Variants in GBP3 observed in about 807,000 individuals in gnomAD.
GBP3 encodes guanylate binding protein 3.
GBP3 carries 55 observed loss-of-function variants against 62.4 expected under a neutral mutation model. The ratio of observed to expected loss-of-function variants is 0.88; its 90% CI spans 0.71 to 1.10. The LOEUF is 1.10. GBP3 is among the 50% of genes least tolerant of loss of function. The pLI is 0.00. For missense variants in GBP3, 605 were observed against 690.6 expected (o/e 0.88, Z 1.39); for synonymous variants, 208 against 259.2 (o/e 0.80, Z 1.90).
rs140270532 is a variant in GBP3 at position 89,011,936 on chromosome 1, T to C, written c.960A>G (p.Ile320Met). 51 of 1,462,506 alleles carry C rather than the reference T, an allele frequency of 3.5e-5. 5 individuals are homozygous for C. The African/African-American group carries it at 3.9e-4, about 11-fold the overall frequency. 90.6% of individuals were successfully genotyped at this position (1,462,506 alleles called of 1,614,324 possible). A position where few individuals can be genotyped will look rare whatever the true frequency, so the allele number is the denominator to read the frequency against. ...CCTTTTGCACTGCGGCTGAGTTCTCTATCTGGGCCAAGGCCAGGACTGCGT... is the reference window on the plus strand; with the variant it reads ...CCTTTTGCACTGCGGCTGAGTTCTCCATCTGGGCCAAGGCCAGGACTGCGT... ...MENAVLALAQ[I>M]ENSAAVQKAI... The change falls in exon 7 of 11, where the codon ATA becomes ATG. Residue 320 changes from isoleucine (I) to methionine (M), a missense_variant. Coordinates refer to ENST00000370481, the MANE Select transcript of GBP3 (RefSeq NM_018284.3).
At position 89,016,367 on chromosome 1, in the gene GBP3, A is replaced by G. The variant is rs537539741; in HGVS notation, c.191-953T>C. On this transcript the variant is annotated intron_variant, in intron 2 of 10. Transcript: ENST00000370481. ...AAAACTACACACACACACACACACA[A>G]AATTAGCTGGGTGTGGTGGCGGGCA... Among the ~76,000 whole-genome samples the G allele has an allele frequency of 4.6e-5, 7 of 151,890 alleles. No individual in the cohort carries two copies. The East Asian group carries it at 1.4e-3, about 29-fold the overall frequency.
chr1:89,008,910 A>G, intron 10 of GBP3, 37 bp downstream of exon 10: 1 of 1,613,742 alleles, frequency 6.2e-7, no homozygotes, highest in Non-Finnish European at 8.5e-7. Flanking sequence ...CAGAGAGAAA[A>G]CAGAAAAACG....
At chr1:89,010,780 G>A in intron 8 of GBP3, 124 bp downstream of exon 8, 1 of 1,250,166 alleles carries the variant, frequency 8.0e-7, no homozygotes, top group Non-Finnish European at 1.2e-6. Flanking sequence ...ATATGTTATT[G>A]AATGAAAGCA....
chr1:89,008,701 A>G (rs1204416326), intron 10 of GBP3: 6 of 615,360 alleles, frequency 9.8e-6, no homozygotes, highest in South Asian at 2.1e-5. Flanking sequence ...GATGCCTAGC[A>G]TATGACAGCC....
intron 1 of GBP3, 39 bp from the exon 2 acceptor site, chr1:89,020,782 CT>C (rs1679146232): frequency 1.9e-6 from 3 of 1,561,560 alleles, no homozygotes; most frequent in Non-Finnish European, 2.6e-6. Context: ...AATTTCCAGT[CT>C]TTTGCATTTA....
intron 8 of GBP3, 152 bp downstream of exon 8, chr1:89,010,752 A>G: frequency 9.3e-7 from 1 of 1,071,218 alleles, no homozygotes; most frequent in South Asian, 1.4e-5. Context: ...TACCTGATAT[A>G]ACAGTCTCCC....
In GBP3 at chr1:89,007,870, G is replaced by A. The variant is rs767503768; in HGVS notation, c.1660-18C>T. ...GCCTGTTCCTAAAAAGGGACAAATGGAGGCTAAATAAGTGTAGCATTAAGT... is the reference window on the plus strand; with the variant it reads ...GCCTGTTCCTAAAAAGGGACAAATGAAGGCTAAATAAGTGTAGCATTAAGT... On this transcript the variant is annotated intron_variant, in intron 10 of 10. Coordinates refer to ENST00000370481, the MANE Select transcript of GBP3 (RefSeq NM_018284.3). 1.1e-5 allele frequency: 18 copies of A among 1,608,064 alleles called. 1 individual carries two copies. In the South Asian group the frequency reaches 2.0e-4, roughly 18 times the overall value.
intron 2 of GBP3, among the ~76,000 whole-genome samples, chr1:89,018,984 G>A (rs1466987963): frequency 6.6e-6 from 1 of 152,202 alleles, no homozygotes; most frequent in Non-Finnish European, 1.5e-5. Context: ...TGAATATGAA[G>A]AGAAATTAGA....
At chr1:89,022,402 C>T (rs1041476307) in intron 1 of GBP3, among the ~76,000 whole-genome samples, 5 of 152,178 alleles carry the variant, frequency 3.3e-5, no homozygotes, top group African/African-American at 4.8e-5. Flanking sequence ...GAAAGACTAT[C>T]CTAGTGCATT....
rs1255843754 is a variant in GBP3 at position 89,012,430 on chromosome 1, C to A, written c.869-403G>T. Reference sequence around the variant, plus strand: ...ATGGAACAAATGATACTCTCCTAATCAAAAGGAGCCCTCCGTTTGGTTTAT... The same window carrying A: ...ATGGAACAAATGATACTCTCCTAATAAAAAGGAGCCCTCCGTTTGGTTTAT... On this transcript the variant is annotated intron_variant, in intron 6 of 10. Transcript: ENST00000370481. Among the ~76,000 whole-genome samples the A allele has an allele frequency of 2.9e-5, 4 of 138,816 alleles. 1 individual carries two copies. The highest frequency in any genetic ancestry group is 6.6e-5 in the Non-Finnish European group (4 of 60,216). The allele number at this position is 138,816 out of a possible 152,430, so 91.1% of individuals were successfully genotyped here.
rs1335382081 is a variant in GBP3 at position 89,014,542 on chromosome 1, G to C, written c.428+5C>G. ...TTGGTGCTGTTCTGGGTCACAAAAGGATACTACAGTTGGTCCATAGCCTGC... is the reference window on the plus strand; with the variant it reads ...TTGGTGCTGTTCTGGGTCACAAAAGCATACTACAGTTGGTCCATAGCCTGC... On this transcript the variant is annotated splice_donor_5th_base_variant and intron_variant, in intron 4 of 10. Coordinates refer to ENST00000370481, the MANE Select transcript of GBP3 (RefSeq NM_018284.3). 6.2e-7 allele frequency: 1 copy of C among 1,614,064 alleles called. No homozygotes were observed. Among genetic ancestry groups the C allele is most frequent in the South Asian group, 1.1e-5 (1 of 91,078 alleles).
In GBP3 at chr1:89,011,484, G is replaced by A. The variant is rs574783242; in HGVS notation, c.1149+263C>T. On this transcript the variant is annotated intron_variant, in intron 7 of 10. Coordinates refer to ENST00000370481, the MANE Select transcript of GBP3 (RefSeq NM_018284.3). Reference sequence around the variant, plus strand: ...TATCAAATCAGTCTGAGAAGAGTGGGCATGTAATTTGATTAGAAGCCCTGA... The same window carrying A: ...TATCAAATCAGTCTGAGAAGAGTGGACATGTAATTTGATTAGAAGCCCTGA... Among the ~76,000 whole-genome samples, 5 of 139,572 alleles carry A rather than the reference G, an allele frequency of 3.6e-5. 1 individual carries two copies. In the South Asian group the frequency reaches 1.2e-3, roughly 33 times the overall value. 91.6% of individuals were successfully genotyped at this position (139,572 alleles called of 152,430 possible). A position where few individuals can be genotyped will look rare whatever the true frequency, so the allele number is the denominator to read the frequency against.
chr1:89,013,770 C>T, intron 5 of GBP3: 1 of 404,372 alleles, frequency 2.5e-6, no homozygotes, highest in South Asian at 3.6e-5. Context: ...GAATCACGAA[C>T]CCTACATAAG....
Position 89,012,840 on chromosome 1 carries a change from A to G in GBP3, c.868+345T>C, listed in dbSNP as rs1212067899. Among the ~76,000 whole-genome samples, 7 of 136,782 alleles carry G rather than the reference A, an allele frequency of 5.1e-5. 2 individuals carry two copies. Among genetic ancestry groups the G allele is most frequent in the African/African-American group, 7.5e-5 (3 of 40,126 alleles). The allele number at this position is 136,782 out of a possible 152,430, so 89.7% of individuals were successfully genotyped here. On this transcript the variant is annotated intron_variant, in intron 6 of 10. Coordinates refer to ENST00000370481, the MANE Select transcript of GBP3 (RefSeq NM_018284.3). Reference sequence around the variant, plus strand: ...TTCAATGCTGATACTAGGTGGAGTTATTCTATGCTCCTTTCATATTTTTTT... The same window carrying G: ...TTCAATGCTGATACTAGGTGGAGTTGTTCTATGCTCCTTTCATATTTTTTT...
At position 89,010,284 on chromosome 1, in the gene GBP3, G is replaced by A. The variant is rs1678484212; in HGVS notation, c.1362+620C>T. Reference sequence around the variant, plus strand: ...TTACAGGCGCCTGCCACCACGCTCAGCTAATTTTTGTATTTTTAGTAGAGA... The same window carrying A: ...TTACAGGCGCCTGCCACCACGCTCAACTAATTTTTGTATTTTTAGTAGAGA... On this transcript the variant is annotated intron_variant, in intron 8 of 10. Coordinates refer to ENST00000370481, the MANE Select transcript of GBP3 (RefSeq NM_018284.3). Among the ~76,000 whole-genome samples the A allele has an allele frequency of 1.9e-5, 2 of 105,942 alleles. 1 individual carries two copies. The highest frequency in any genetic ancestry group is 6.2e-4 in the South Asian group (2 of 3,218). 69.5% of individuals were successfully genotyped at this position (105,942 alleles called of 152,430 possible).
chr1:89,020,540 T>C lies in GBP3; in HGVS notation c.182A>G (p.Lys61Arg), dbSNP rs1679129135. The C allele has an allele frequency of 1.9e-6, 3 of 1,614,072 alleles. No individual in the cohort carries two copies. Among genetic ancestry groups the C allele is most frequent in the Admixed American group, 1.7e-5 (1 of 59,998 alleles). Reference sequence around the variant, plus strand: ...TTGCTCATGCCACTCACCCTTATTCTTCCCAGCTAGCTTGTTCATCAGGTA... The same window carrying C: ...TTGCTCATGCCACTCACCCTTATTCCTCCCAGCTAGCTTGTTCATCAGGTA... ...KSYLMNKLAG[K>R]NKGFSLGSTV... Residue 61 changes from lysine (K) to arginine (R), a missense_variant, in exon 2 of 11, where the codon AAG (lysine) becomes AGG (arginine). Coordinates refer to ENST00000370481, the MANE Select transcript of GBP3 (RefSeq NM_018284.3).
chr1:89,021,510 G>GCACGCACACACACACACACA (rs1553178199), intron 1 of GBP3, among the ~76,000 whole-genome samples: 9 of 131,668 alleles, frequency 6.8e-5, no homozygotes, highest in African/African-American at 2.7e-4. Context: ...GCGCGCGCGC[G>GCACGCACACACACACACACA]CACACACACA....
At chr1:89,014,909 A>G (rs578189871) in intron 3 of GBP3, among the ~76,000 whole-genome samples, 12 of 152,356 alleles carry the variant, frequency 7.9e-5, no homozygotes, top group African/African-American at 2.6e-4. Flanking sequence ...TGCAAAATAA[A>G]CATTCAAGGT....
intron 2 of GBP3, among the ~76,000 whole-genome samples, chr1:89,017,189 C>T (rs548389047): frequency 4.6e-5 from 7 of 152,050 alleles, no homozygotes; most frequent in African/African-American, 1.7e-4. Context: ...AAGTAGAGAG[C>T]CTAGAAATGA....
Sources: allele counts gnomAD v4.1 joint callset (sites outside exome capture counted in the v4.1 genomes callset), GRCh38; gene constraint gnomAD v4.1.1; transcripts MANE v1.5; gene names NCBI Gene and HGNC (gene_info 2026-07-23, HGNC 2026-07-21).